SLC35D2: variants seen among roughly 807,000 people sequenced by gnomAD.
The protein encoded by SLC35D2 is nucleotide sugar transporter SLC35D2.
In SLC35D2, 43 loss-of-function variants were observed where a neutral mutation model predicts 41.8. The ratio of observed to expected loss-of-function variants is 1.03; its 90% CI spans 0.81 to 1.33. The LOEUF is 1.33. SLC35D2 is among the 40% of genes most tolerant of loss of function. SLC35D2 has a pLI of 0.00. For missense variants in SLC35D2, 380 were observed against 408.4 expected (o/e 0.93, Z 0.60); for synonymous variants, 150 against 163.9 (o/e 0.92, Z 0.65).
chr9:96,380,435 A>G (rs1482218680), intron 1 of SLC35D2, among the ~76,000 whole-genome samples: 3 of 151,754 alleles, frequency 2.0e-5, no homozygotes, highest in Non-Finnish European at 2.9e-5. Flanking sequence ...AAGCCCATCA[A>G]TAGCATTTTC....
At chr9:96,337,981 CAAAAAAA>C (rs67714645) in intron 8 of SLC35D2, among the ~76,000 whole-genome samples, 1 of 33,906 alleles carries the variant, frequency 2.9e-5, no homozygotes, top group African/African-American at 1.5e-4. Context: ...AACTCCACCT[CAAAAAAA>C]AAAAAAAAAA....
chr9:96,374,385 T>G (rs1396795520), intron 1 of SLC35D2, among the ~76,000 whole-genome samples: 2 of 151,230 alleles, frequency 1.3e-5, no homozygotes, highest in Non-Finnish European at 2.9e-5. Context: ...AATACAAAAT[T>G]TAGCTGGGCA....
chr9:96,332,226 G>C (rs538207160), intron 9 of SLC35D2, among the ~76,000 whole-genome samples: 3 of 152,142 alleles, frequency 2.0e-5, no homozygotes, highest in African/African-American at 4.8e-5. Flanking sequence ...GGCTCGCCTC[G>C]AGTCTGGAGT....
intron 4 of SLC35D2, among the ~76,000 whole-genome samples, chr9:96,357,087 A>G (rs781391314): frequency 3.3e-5 from 5 of 152,132 alleles, no homozygotes; most frequent in Non-Finnish European, 5.9e-5. Context: ...CTGAGGCAGG[A>G]GAATTGCTTG....
At chr9:96,330,662 A>T (rs1487897703) in intron 9 of SLC35D2, among the ~76,000 whole-genome samples, 1 of 152,158 alleles carries the variant, frequency 6.6e-6, no homozygotes, top group Non-Finnish European at 1.5e-5. Flanking sequence ...CATTCAGGAT[A>T]GTGTTGTGAA....
At chr9:96,339,560 AAAC>A (rs1409580043) in intron 8 of SLC35D2, among the ~76,000 whole-genome samples, 3 of 152,232 alleles carry the variant, frequency 2.0e-5, no homozygotes, top group Non-Finnish European at 4.4e-5. Context: ...AATCAAAGGT[AAAC>A]AACAATAAAG....
chr9:96,382,934 A>C (rs1831268713), intron 1 of SLC35D2, among the ~76,000 whole-genome samples: 1 of 152,204 alleles, frequency 6.6e-6, no homozygotes, highest in African/African-American at 2.4e-5. Context: ...TAGCAGAATT[A>C]AGCAGGATTT....
intron 7 of SLC35D2, 33 bp downstream of exon 7, chr9:96,345,266 C>G (rs1829523198): frequency 1.7e-6 from 2 of 1,146,154 alleles, no homozygotes; most frequent in Non-Finnish European, 1.3e-6. Flanking sequence ...GGCCAGATGA[C>G]AGAGCCAAAA....
At chr9:96,380,214 G>A (rs1831138426) in intron 1 of SLC35D2, among the ~76,000 whole-genome samples, 1 of 151,836 alleles carries the variant, frequency 6.6e-6, no homozygotes, top group South Asian at 2.1e-4. Context: ...CCTTTCTTAG[G>A]AGGTGTCTTA....
chr9:96,377,959 G>T (rs766243538), intron 1 of SLC35D2, among the ~76,000 whole-genome samples: 8 of 152,176 alleles, frequency 5.3e-5, no homozygotes, highest in African/African-American at 1.4e-4. Flanking sequence ...TCCATCAAGG[G>T]GGGTGAAGGA....
chr9:96,382,466 T>TACACACACAC (rs35402465), intron 1 of SLC35D2, among the ~76,000 whole-genome samples: 74 of 133,092 alleles, frequency 5.6e-4, no homozygotes, highest in Non-Finnish European at 8.6e-4. Flanking sequence ...AAAAATATTA[T>TACACACACAC]ACACACACAC....
intron 1 of SLC35D2, among the ~76,000 whole-genome samples, chr9:96,382,466 T>TAC (rs35402465): frequency 0.17 from 22,717 of 132,740 alleles, 2,077 homozygotes; most frequent in African/African-American, 0.25. Context: ...AAAAATATTA[T>TAC]ACACACACAC....
chr9:96,316,414 T>A (rs1262135616), downstream of SLC35D2, among the ~76,000 whole-genome samples: 1 of 150,554 alleles, frequency 6.6e-6, no homozygotes, highest in Non-Finnish European at 1.5e-5. Context: ...GGCAGGAGAA[T>A]CCCTTGAACC....
chr9:96,317,508 G>T (rs553235005), downstream of SLC35D2, among the ~76,000 whole-genome samples: 178 of 152,230 alleles, frequency 1.2e-3, no homozygotes, highest in Non-Finnish European at 1.8e-3. Flanking sequence ...TTTCAACCCA[G>T]CTCCTAGGGC....
rs1480563757 is a variant in SLC35D2, at chr9:96,336,719, C to CA, written c.749dup (p.Leu250PhefsTer75). On this transcript the variant is annotated frameshift_variant, in exon 9 of 12. Transcript: ENST00000253270. LOFTEE classifies it high-confidence loss of function. The stretch of plus-strand genomic sequence containing the variant: ...TCTACTTATCTATGGTTTCTTACCC[C>CA]AAAAAACAGGAAAGAAGAAACTGTA... 14 of 1,570,250 alleles carry CA rather than the reference C, an allele frequency of 8.9e-6. No individual in the cohort carries two copies. The highest frequency in any genetic ancestry group is 2.3e-5 in the East Asian group (1 of 44,360).
exon 12 of SLC35D2, among the ~76,000 whole-genome samples, chr9:96,313,769 T>C (rs1827986987): frequency 6.6e-6 from 1 of 152,220 alleles, no homozygotes; most frequent in Admixed American, 6.5e-5. Flanking sequence ...TCTGAGCCAC[T>C]CGTCTGGGTG....
chr9:96,383,592 C>A lies in SLC35D2; in HGVS notation c.43G>T (p.Glu15Ter), dbSNP rs1257585719. 7.0e-7 allele frequency: 1 copy of A among 1,431,878 alleles called. No individual in the cohort carries two copies. Among genetic ancestry groups the A allele is most frequent in the Admixed American group, 2.6e-5 (1 of 38,072 alleles). 88.7% of individuals were successfully genotyped at this position (1,431,878 alleles called of 1,614,324 possible). The change falls in exon 1 of 12, where the codon GAG becomes TAG. Residue 15 changes from glutamate to a stop codon, truncating the protein, a stop_gained. Coordinates refer to ENST00000253270, the MANE Select transcript of SLC35D2 (RefSeq NM_007001.3). LOFTEE classifies it high-confidence loss of function. The stretch of plus-strand genomic sequence containing the variant: ...GAGGGCAGCCGCGCCGCGCCGGGCT[C>A]CCCGCCAGCGCCCTCGGCCTCGGCC... ...GQAEAEGAGG[E>*]PGAARLPSRV...
At chr9:96,314,767 T>C (rs1202740436) in exon 12 of SLC35D2, 1 of 152,234 alleles carries the variant, frequency 6.6e-6, no homozygotes, top group African/African-American at 2.4e-5. Context: ...TTTTAAAAAA[T>C]AGCATCTTCA....
intron 1 of SLC35D2, among the ~76,000 whole-genome samples, chr9:96,382,218 T>C (rs935969842): frequency 6.6e-6 from 1 of 151,838 alleles, no homozygotes; most frequent in African/African-American, 2.4e-5. Flanking sequence ...AGTTTGCACC[T>C]GTAATCACAG....
Sources: gnomAD v4.1 joint callset for allele counts (sites outside exome capture counted in the v4.1 genomes callset) on GRCh38, gnomAD v4.1.1 for gene constraint, MANE v1.5 for transcripts, NCBI Gene and HGNC (gene_info 2026-07-23, HGNC 2026-07-21) for gene names.